CEBPZ: variants seen among roughly 807,000 people sequenced by gnomAD.
CEBPZ encodes CCAAT enhancer binding protein zeta, also known as CCAAT/enhancer-binding protein zeta.
In CEBPZ, 78 loss-of-function variants were observed where a neutral mutation model predicts 104.5. The observed-to-expected ratio is 0.75, with a 90% confidence interval of 0.62 to 0.90. The LOEUF (loss-of-function observed/expected upper bound fraction) is 0.90. Ranked by LOEUF, CEBPZ falls within the 40% of genes least tolerant of loss-of-function variation. The probability of loss-of-function intolerance (pLI) is 0.00; values close to 1 mark genes in which losing one functional copy is unlikely to be tolerated. For missense variants in CEBPZ, 1,439 were observed against 1,233.5 expected (o/e 1.17, Z -2.50); for synonymous variants, 470 against 427.0 (o/e 1.10, Z -1.24).
chr2:37,201,848 A>G lies in CEBPZ; in HGVS notation c.3081T>C (p.Asp1027=). Residue 1027 remains aspartate, a synonymous_variant, in exon 16 of 16, where the codon GAT becomes GAC. Transcript: ENST00000234170. ...TCTTTTTCTTGATGATACTTTTTGC[A>G]TCTCTGTTGTGTAGCCAGTCATCAC... ...AERDDWLHNR[D]AKSIIKKKKH... The G allele has an allele frequency of 6.2e-7, 1 of 1,613,060 alleles. No homozygotes were observed. Among genetic ancestry groups the G allele is most frequent in the Non-Finnish European group, 8.5e-7 (1 of 1,179,328 alleles).
intron 2 of CEBPZ, 55 bp from the exon 3 acceptor site, chr2:37,223,456 A>G: frequency 7.0e-7 from 1 of 1,432,826 alleles, no homozygotes; most frequent in South Asian, 1.2e-5. Flanking sequence ...TCCACAACCA[A>G]TGGTCACATA....
chr2:37,225,474 T>G (rs952504459), intron 2 of CEBPZ, among the ~76,000 whole-genome samples: 2 of 146,872 alleles, frequency 1.4e-5, no homozygotes, highest in African/African-American at 2.5e-5. Flanking sequence ...CTCTGAAACA[T>G]GTGCTGTGTC....
chr2:37,216,127 G>T lies in CEBPZ; in HGVS notation c.2380+13C>A. The T allele has an allele frequency of 6.3e-7, 1 of 1,592,432 alleles. No homozygotes were observed. Among genetic ancestry groups the T allele is most frequent in the Non-Finnish European group, 8.6e-7 (1 of 1,162,720 alleles). ...TGTCTTTTCAGTTTCAACTGTCTAA[G>T]GTTTATACTTACCAGGAAGATGACG... On this transcript the variant is annotated intron_variant, in intron 8 of 15. Transcript: ENST00000234170.
chr2:37,212,710 T>G, intron 10 of CEBPZ: 1 of 326,124 alleles, frequency 3.1e-6, no homozygotes, highest in Non-Finnish European at 5.6e-6. Flanking sequence ...TTAGAACTAC[T>G]TAAGTGCTCA....
intron 13 of CEBPZ, among the ~76,000 whole-genome samples, chr2:37,205,607 T>C (rs1369137544): frequency 6.6e-6 from 1 of 152,246 alleles, no homozygotes; most frequent in Non-Finnish European, 1.5e-5. Flanking sequence ...AAAGCCTGTT[T>C]GGTGGTCTCT....
chr2:37,214,273 T>C (rs562398180), intron 9 of CEBPZ, among the ~76,000 whole-genome samples: 10 of 152,222 alleles, frequency 6.6e-5, no homozygotes, highest in African/African-American at 2.2e-4. Context: ...TCTAAATGAT[T>C]TTAAAAAACA....
intron 4 of CEBPZ, among the ~76,000 whole-genome samples, chr2:37,221,247 T>C (rs993707209): frequency 6.6e-5 from 10 of 152,040 alleles, no homozygotes; most frequent in African/African-American, 2.4e-4. Flanking sequence ...GTTCAGGAGT[T>C]TGAGGCTGCA....
At position 37,216,135 on chromosome 2, in the gene CEBPZ, C is replaced by G; in HGVS notation, c.2380+5G>C. On this transcript the variant is annotated splice_donor_5th_base_variant and intron_variant, in intron 8 of 15. Coordinates refer to ENST00000234170, the MANE Select transcript of CEBPZ (RefSeq NM_005760.3). ...CAGTTTCAACTGTCTAAGGTTTATA[C>G]TTACCAGGAAGATGACGAATATCCT... is the stretch of plus-strand genomic sequence containing the variant. 6.2e-7 allele frequency: 1 copy of G among 1,603,600 alleles called. No homozygotes were observed. Among genetic ancestry groups the G allele is most frequent in the Non-Finnish European group, 8.5e-7 (1 of 1,172,216 alleles).
intron 9 of CEBPZ, 141 bp from the exon 10 acceptor site, chr2:37,214,102 G>GT (rs1173439635): frequency 2.1e-6 from 1 of 477,710 alleles, no homozygotes. Context: ...ACTGAAATTT[G>GT]TATCTAATAT....
intron 2 of CEBPZ, among the ~76,000 whole-genome samples, chr2:37,227,177 T>C (rs533744276): frequency 6.6e-6 from 1 of 152,334 alleles, no homozygotes; most frequent in African/African-American, 2.4e-5. Context: ...CTGAGGAGAA[T>C]GGGAAGACGG....
intron 10 of CEBPZ, chr2:37,212,619 GCT>G (rs1054197238): frequency 1.1e-4 from 58 of 532,284 alleles, no homozygotes; most frequent in African/African-American, 8.7e-4. Context: ...GTTAATTTCG[GCT>G]CTTTCTACAG....
rs1200219640 is a variant in CEBPZ, at chr2:37,201,616, TA to T, written c.*147del. ...TTAACAATGCTTCCACATGACTTTATAAATGAGAGCTATTTTTATTTATAGT... is the reference window on the plus strand; with the variant it reads ...TTAACAATGCTTCCACATGACTTTATAATGAGAGCTATTTTTATTTATAGT... On this transcript the variant is annotated 3_prime_UTR_variant, in exon 16 of 16. Transcript: ENST00000234170. The T allele has an allele frequency of 5.8e-6, 4 of 694,348 alleles. No individual in the cohort carries two copies. The highest frequency in any genetic ancestry group is 1.0e-5 in the Non-Finnish European group (4 of 387,764). 43.0% of individuals were successfully genotyped at this position (694,348 alleles called of 1,614,324 possible). A position where few individuals can be genotyped will look rare whatever the true frequency, so the allele number is the denominator to read the frequency against.
chr2:37,222,675 G>GA (rs1664800622), intron 3 of CEBPZ, 112 bp from the exon 4 acceptor site: 1 of 677,302 alleles, frequency 1.5e-6, no homozygotes, highest in East Asian at 3.0e-5. Context: ...GGTGAAACGT[G>GA]AAAGTTCTAA....
At chr2:37,213,759 G>A in intron 10 of CEBPZ, 105 bp downstream of exon 10, 2 of 724,464 alleles carry the variant, frequency 2.8e-6, no homozygotes, top group African/African-American at 1.9e-5. Context: ...GATATTCTTA[G>A]CTAAGTGATT....
At chr2:37,206,912 G>T (rs183174706) in intron 13 of CEBPZ, among the ~76,000 whole-genome samples, 1 of 152,114 alleles carries the variant, frequency 6.6e-6, no homozygotes, top group Non-Finnish European at 1.5e-5. Flanking sequence ...GGAGACTCAC[G>T]TAACACATAA....
rs776162713 is a variant in CEBPZ at position 37,228,524 on chromosome 2, C to T, written c.669G>A (p.Lys223=). 1 of 1,614,188 alleles carries T rather than the reference C, an allele frequency of 6.2e-7. No individual in the cohort carries two copies. Among genetic ancestry groups the T allele is most frequent in the Non-Finnish European group, 8.5e-7 (1 of 1,180,020 alleles). Reference sequence around the variant, plus strand: ...AAGAGGCTCCCTTTTGACTATTCGTCTTACTTTTGAATAAGTTGATTTCAT... The same window carrying T: ...AAGAGGCTCCCTTTTGACTATTCGTTTTACTTTTGAATAAGTTGATTTCAT... ...YQHEINLFKS[K]TNSQKGASST... The change falls in exon 2 of 16, where the codon AAG becomes AAA. Residue 223 remains lysine (K), a synonymous_variant. Coordinates refer to ENST00000234170, the MANE Select transcript of CEBPZ (RefSeq NM_005760.3).
chr2:37,228,305 G>C lies in CEBPZ; in HGVS notation c.888C>G (p.Asp296Glu). Residue 296 changes from aspartate (D) to glutamate (E), a missense_variant, in exon 2 of 16, where the codon GAC becomes GAG. By Grantham distance (45) the Asp-to-Glu change is conservative. Transcript: ENST00000234170. ...LDTFKELLIT[D>E]LLPDNRKLRI... ...TCAGCTTCCGATTGTCTGGCAAAAG[G>C]TCTGTGATAAGCAACTCTTTGAAAG... is the stretch of plus-strand genomic sequence containing the variant. 6.2e-7 allele frequency: 1 copy of C among 1,614,172 alleles called. No individual in the cohort carries two copies. The highest frequency in any genetic ancestry group is 2.2e-5 in the East Asian group (1 of 44,892).
chr2:37,216,051 C>A, intron 8 of CEBPZ, 89 bp downstream of exon 8: 2 of 973,646 alleles, frequency 2.1e-6, no homozygotes, highest in African/African-American at 1.7e-5. Context: ...AGGTTTTATT[C>A]TGATAAATTA....
At chr2:37,212,076 A>G (rs368268123) in intron 11 of CEBPZ, 37 bp from the exon 12 acceptor site, 93 of 1,532,594 alleles carry the variant, frequency 6.1e-5, no homozygotes, top group Non-Finnish European at 7.6e-5. Flanking sequence ...AAGAGGAGGC[A>G]GTATTTTCTA....
Sources: allele counts gnomAD v4.1 joint callset (sites outside exome capture counted in the v4.1 genomes callset), GRCh38; gene constraint gnomAD v4.1.1; transcripts MANE v1.5; gene names NCBI Gene and HGNC (gene_info 2026-07-23, HGNC 2026-07-21).